FANCC: variants seen among roughly 807,000 people sequenced by gnomAD.
FANCC encodes Fanconi anemia group C protein.
In FANCC, 55 loss-of-function variants were observed where a neutral mutation model predicts 71.3. That is an observed-to-expected ratio of 0.77 (90% CI 0.62 to 0.97). The LOEUF (loss-of-function observed/expected upper bound fraction) is 0.97. Ranked by LOEUF, FANCC falls within the 50% of genes least tolerant of loss-of-function variation. FANCC has a pLI of 0.00. For missense variants in FANCC, 678 were observed against 670.9 expected (o/e 1.01, Z -0.12); for synonymous variants, 275 against 244.9 (o/e 1.12, Z -1.15).
chr9:95,262,112 A>T (rs1832086682), intron 1 of FANCC, among the ~76,000 whole-genome samples: 1 of 152,114 alleles, frequency 6.6e-6, no homozygotes, highest in Admixed American at 6.5e-5. Context: ...CACTGTCCAC[A>T]GGGGCTCATG....
intron 1 of FANCC, among the ~76,000 whole-genome samples, chr9:95,291,991 TA>T: frequency 5.2e-5 from 7 of 133,740 alleles, no homozygotes; most frequent in South Asian, 2.5e-4. Flanking sequence ...TATATATATA[TA>T]TTAAGACCCC....
chr9:95,296,779 A>C (rs1275940555), intron 1 of FANCC, among the ~76,000 whole-genome samples: 1 of 152,230 alleles, frequency 6.6e-6, no homozygotes, highest in Non-Finnish European at 1.5e-5. Flanking sequence ...CACTCAAGAT[A>C]GTCACAACTG....
chr9:95,172,709 A>G (rs552029440), intron 4 of FANCC, among the ~76,000 whole-genome samples: 1 of 152,334 alleles, frequency 6.6e-6, no homozygotes, highest in Admixed American at 6.5e-5. Flanking sequence ...AGAAAAAAAG[A>G]TTCTCACCGG....
At chr9:95,259,169 T>C (rs1831860602) in intron 1 of FANCC, among the ~76,000 whole-genome samples, 1 of 152,132 alleles carries the variant, frequency 6.6e-6, no homozygotes, top group Non-Finnish European at 1.5e-5. Flanking sequence ...TTGACTTTCT[T>C]CACAGAATTA....
In FANCC at chr9:95,279,881, G is replaced by C. The variant is rs1833274746; in HGVS notation, c.-78-30512C>G. On this transcript the variant is annotated intron_variant, in intron 1 of 14. Transcript: ENST00000289081. ...GAGAATCGCTTGAACCTGAGAGGCG[G>C]AGGCTGCAGTGAGCAGAGATCGTGC... 1.3e-5 allele frequency among the ~76,000 whole-genome samples: 2 copies of C among 150,550 alleles called. 1 individual carries two copies. The highest frequency in any genetic ancestry group is 1.3e-4 in the Admixed American group (2 of 15,092).
intron 1 of FANCC, among the ~76,000 whole-genome samples, chr9:95,289,351 C>T (rs1050608102): frequency 6.6e-6 from 1 of 152,068 alleles, no homozygotes; most frequent in Admixed American, 6.5e-5. Context: ...TACACAATCA[C>T]GGAGTATTTG....
chr9:95,152,048 T>C (rs937449201), intron 6 of FANCC, among the ~76,000 whole-genome samples: 3 of 152,212 alleles, frequency 2.0e-5, no homozygotes, highest in South Asian at 4.1e-4. Context: ...TTCTTGCAAA[T>C]TTAACGGACA....
intron 3 of FANCC, among the ~76,000 whole-genome samples, chr9:95,246,088 G>A (rs1057403754): frequency 2.0e-5 from 3 of 152,140 alleles, no homozygotes; most frequent in African/African-American, 7.2e-5. Flanking sequence ...TGTATTTCTG[G>A]TCAAAGATGT....
At chr9:95,204,346 C>A (rs1258135071) in intron 4 of FANCC, among the ~76,000 whole-genome samples, 1 of 152,162 alleles carries the variant, frequency 6.6e-6, no homozygotes, top group African/African-American at 2.4e-5. Context: ...ATATCCATCA[C>A]AAGGACATTA....
chr9:95,281,526 G>A (rs191513144), intron 1 of FANCC, among the ~76,000 whole-genome samples: 1 of 152,080 alleles, frequency 6.6e-6, no homozygotes, highest in African/African-American at 2.4e-5. Context: ...TGTCTTACAA[G>A]AAATGCTAAA....
intron 1 of FANCC, among the ~76,000 whole-genome samples, chr9:95,250,967 T>C (rs937645988): frequency 1.3e-4 from 20 of 152,226 alleles, no homozygotes; most frequent in Admixed American, 1.3e-3. Context: ...TGCTGGAGTC[T>C]TGAAGACCCT....
intron 4 of FANCC, among the ~76,000 whole-genome samples, chr9:95,223,173 G>A (rs189307332): frequency 8.5e-4 from 129 of 152,302 alleles, no homozygotes; most frequent in Admixed American, 8.3e-3. Context: ...CTGTGACAAA[G>A]TACCACAAGT....
intron 1 of FANCC, among the ~76,000 whole-genome samples, chr9:95,272,234 G>A (rs560594575): frequency 3.3e-5 from 5 of 151,802 alleles, no homozygotes; most frequent in Middle Eastern, 3.4e-3. Flanking sequence ...CACCGCGCCC[G>A]GCCCCGCCTC....
intron 6 of FANCC, among the ~76,000 whole-genome samples, chr9:95,163,826 GCAA>G (rs1192360945): frequency 6.6e-6 from 1 of 152,176 alleles, no homozygotes; most frequent in Non-Finnish European, 1.5e-5. Context: ...GCCAGCCTGG[GCAA>G]CAAGAGCGAA....
At chr9:95,123,730 G>A (rs967989625) in intron 10 of FANCC, 2 of 691,754 alleles carry the variant, frequency 2.9e-6, no homozygotes, top group Admixed American at 1.8e-5. Flanking sequence ...TGTATTTGAA[G>A]CTACATTACT....
intron 12 of FANCC, chr9:95,114,326 G>T (rs113963801): frequency 5.3e-5 from 21 of 399,168 alleles, no homozygotes; most frequent in African/African-American, 3.7e-4. Context: ...TTTTTCCAAG[G>T]CCTCTTCTTT....
chr9:95,276,481 GGCAATCTCAAGTAACA>G (rs1833048854), intron 1 of FANCC, among the ~76,000 whole-genome samples: 1 of 152,058 alleles, frequency 6.6e-6, no homozygotes, highest in South Asian at 2.1e-4. Context: ...TTAGGGGCAG[GGCAATCTCAAGTAACA>G]GCATGATTAT....
At chr9:95,224,752 T>C (rs371338811) in intron 4 of FANCC, among the ~76,000 whole-genome samples, 3 of 152,310 alleles carry the variant, frequency 2.0e-5, no homozygotes, top group East Asian at 3.9e-4. Flanking sequence ...AAGTAATTTG[T>C]AAAAGATCTC....
chr9:95,265,490 C>G lies in FANCC; in HGVS notation c.-78-16121G>C, dbSNP rs187238651. On this transcript the variant is annotated intron_variant, in intron 1 of 14. Transcript: ENST00000289081. ...TCTCTGACCTTGTTCTCCATCAGAG[C>G]ACCAAGGAGCCATCATTCGGACTTG... Among the ~76,000 whole-genome samples, 17 of 152,300 alleles carry G rather than the reference C, an allele frequency of 1.1e-4. No individual in the cohort carries two copies. In the East Asian group the frequency reaches 3.3e-3, roughly 29 times the overall value.
Sources: gnomAD v4.1 joint callset for allele counts (sites outside exome capture counted in the v4.1 genomes callset) on GRCh38, gnomAD v4.1.1 for gene constraint, MANE v1.5 for transcripts, NCBI Gene and HGNC (gene_info 2026-07-23, HGNC 2026-07-21) for gene names.